The following TYW1 variants were observed in gnomAD, a reference collection of about 807,000 sequenced individuals.
TYW1 encodes S-adenosyl-L-methionine-dependent tRNA 4-demethylwyosine synthase TYW1.
TYW1 carries 46 observed loss-of-function variants against 96.2 expected under a neutral mutation model. The ratio of observed to expected loss-of-function variants is 0.48; its 90% CI spans 0.38 to 0.61. The LOEUF (loss-of-function observed/expected upper bound fraction) is 0.61, where lower values mean the gene tolerates loss of function less well. Among genes scored for constraint, TYW1 ranks in the 20% least tolerant of loss-of-function variants. The probability of loss-of-function intolerance (pLI) is 0.00; values close to 1 mark genes in which losing one functional copy is unlikely to be tolerated. For missense variants in TYW1, 684 were observed against 909.6 expected (o/e 0.75, Z 3.19); for synonymous variants, 274 against 323.0 (o/e 0.85, Z 1.63).
chr7:67,112,100 CAAAAAAAAAAAAAAAA>C (rs538839042), intron 12 of TYW1, among the ~76,000 whole-genome samples: 1 of 94,884 alleles, frequency 1.1e-5, no homozygotes, highest in Non-Finnish European at 2.1e-5. Flanking sequence ...CTCTGTCTGA[CAAAAAAAAAAAAAAAA>C]AAAAAAAGAA....
intron 15 of TYW1, among the ~76,000 whole-genome samples, chr7:67,230,005 G>A (rs1801697070): frequency 6.6e-6 from 1 of 152,202 alleles, no homozygotes; most frequent in African/African-American, 2.4e-5. Flanking sequence ...AGAAATATTT[G>A]AAAGACATGA....
At position 67,065,950 on chromosome 7, in the gene TYW1, C is replaced by T. The variant is rs146656877; in HGVS notation, c.1156-1335C>T. Among the ~76,000 whole-genome samples the T allele has an allele frequency of 2.6e-5, 4 of 151,354 alleles. No homozygotes were observed. In the East Asian group the frequency reaches 5.9e-4, roughly 22 times the overall value. ...CGCTTGAACTGGGAGGCGGAGGGTG[C>T]AGTGAGTTGAGATCACACTACTGCA... On this transcript the variant is annotated intron_variant, in intron 9 of 15. Transcript: ENST00000359626.
chr7:66,997,602 T>TA (rs1391941813), intron 1 of TYW1, among the ~76,000 whole-genome samples: 2 of 152,148 alleles, frequency 1.3e-5, no homozygotes, highest in Non-Finnish European at 2.9e-5. Context: ...CGTTACTACA[T>TA]AGTGTGTTAT....
intron 13 of TYW1, among the ~76,000 whole-genome samples, chr7:67,150,628 A>G (rs1414048565): frequency 6.6e-6 from 1 of 152,252 alleles, no homozygotes; most frequent in African/African-American, 2.4e-5. Flanking sequence ...GTAACATTTT[A>G]TACACCTTTA....
chr7:67,077,067 C>T (rs1408431465), intron 10 of TYW1, among the ~76,000 whole-genome samples: 1 of 152,162 alleles, frequency 6.6e-6, no homozygotes, highest in Non-Finnish European at 1.5e-5. Flanking sequence ...ACCCACTATG[C>T]CCAGCCTCAT....
At chr7:67,072,934 G>GTTTTTT (rs529812538) in intron 10 of TYW1, among the ~76,000 whole-genome samples, 35 of 71,260 alleles carry the variant, frequency 4.9e-4, no homozygotes, top group Non-Finnish European at 6.0e-4. Flanking sequence ...TGCCTATCCA[G>GTTTTTT]TTTTTTTTTT....
At chr7:67,206,956 T>C (rs1800821121) in intron 15 of TYW1, among the ~76,000 whole-genome samples, 1 of 152,218 alleles carries the variant, frequency 6.6e-6, no homozygotes, top group Non-Finnish European at 1.5e-5. Flanking sequence ...CATTTCATGC[T>C]CCCTCCCTGG....
In TYW1 at chr7:67,230,378, T is replaced by G. The variant is rs566140908; in HGVS notation, c.1978-7930T>G. 9.6e-5 allele frequency among the ~76,000 whole-genome samples: 12 copies of G among 124,414 alleles called. 2 individuals are homozygous for G. The highest frequency in any genetic ancestry group is 1.8e-4 in the Non-Finnish European group (11 of 60,942). 81.6% of individuals were successfully genotyped at this position (124,414 alleles called of 152,430 possible). On this transcript the variant is annotated intron_variant, in intron 15 of 15. Transcript: ENST00000359626. ...GTGCTTTTTCCTTTCTTGGATACAG[T>G]CACCACTATTTTAAACCTTATTTTT...
chr7:67,138,570 A>G (rs186379251), intron 13 of TYW1, among the ~76,000 whole-genome samples: 1 of 152,028 alleles, frequency 6.6e-6, no homozygotes, highest in African/African-American at 2.4e-5. Flanking sequence ...ACTAGGTCTT[A>G]TTCATTTTTT....
chr7:67,065,430 G>T (rs906437243), intron 9 of TYW1, among the ~76,000 whole-genome samples: 1 of 152,182 alleles, frequency 6.6e-6, no homozygotes, highest in African/African-American at 2.4e-5. Context: ...CAGTTCTTCA[G>T]CTTTGTTTCT....
chr7:66,998,173 T>C lies in TYW1; in HGVS notation c.113T>C (p.Val38Ala). Reference protein sequence around the residue: ...FAVSISLWICVQIVIKTQGKN... With the variant: ...FAVSISLWICAQIVIKTQGKN... ...GTTAGCATTAGCCTTTGGATTTGTG[T>C]CCAGATTGTCATCAAGACGCAGGTA... The change falls in exon 2 of 16, where the codon GTC becomes GCC. Residue 38 changes from valine (V) to alanine (A), a missense_variant. By Grantham distance (64) the Val-to-Ala change is moderately conservative. Coordinates refer to ENST00000359626, the MANE Select transcript of TYW1 (RefSeq NM_018264.4). 6.2e-7 allele frequency: 1 copy of C among 1,609,358 alleles called. No individual in the cohort carries two copies.
chr7:67,030,311 G>A (rs1425026170), intron 7 of TYW1, among the ~76,000 whole-genome samples: 2 of 152,128 alleles, frequency 1.3e-5, no homozygotes, highest in Non-Finnish European at 2.9e-5. Flanking sequence ...TTTTGAAGCT[G>A]TGTACCAAGA....
intron 13 of TYW1, among the ~76,000 whole-genome samples, chr7:67,148,814 G>A (rs1222200019): frequency 2.0e-5 from 3 of 152,176 alleles, no homozygotes; most frequent in Non-Finnish European, 4.4e-5. Context: ...GGCACTCCAA[G>A]AGCACCCAGG....
At chr7:67,097,060 A>C (rs1796942900) in intron 11 of TYW1, among the ~76,000 whole-genome samples, 1 of 151,900 alleles carries the variant, frequency 6.6e-6, no homozygotes. Context: ...GGGTAATCCC[A>C]GTGTCCAGCT....
chr7:67,015,806 CA>C, intron 5 of TYW1, among the ~76,000 whole-genome samples: 1 of 151,764 alleles, frequency 6.6e-6, no homozygotes. Flanking sequence ...GCTAAAAATA[CA>C]AAAAAATTAG....
intron 7 of TYW1, among the ~76,000 whole-genome samples, chr7:67,030,553 C>T (rs181546395): frequency 8.6e-4 from 130 of 151,952 alleles, no homozygotes; most frequent in Non-Finnish European, 1.5e-3. Context: ...AATCGCTTGA[C>T]CCCAGGAGGT....
chr7:67,135,322 T>G (rs1798216490), intron 13 of TYW1, among the ~76,000 whole-genome samples: 1 of 142,864 alleles, frequency 7.0e-6, no homozygotes, highest in Non-Finnish European at 1.5e-5. Flanking sequence ...TTTTTTTTTT[T>G]GAGACAGTCT....
intron 11 of TYW1, among the ~76,000 whole-genome samples, chr7:67,084,520 T>G (rs1339224871): frequency 2.1e-5 from 3 of 144,926 alleles, no homozygotes; most frequent in African/African-American, 5.2e-5. Context: ...TTTTTTTTCT[T>G]TCTTCTTTTT....
In TYW1 at chr7:67,042,673, G is replaced by T. The variant is rs1053823034; in HGVS notation, c.985-7276G>T. On this transcript the variant is annotated intron_variant, in intron 7 of 15. Coordinates refer to ENST00000359626, the MANE Select transcript of TYW1 (RefSeq NM_018264.4). ...AATTGGAGAATGGGTTAGCGGGTGTGGGGAGAGAGGAGAGTTCCAGTGTAG... is the reference window on the plus strand; with the variant it reads ...AATTGGAGAATGGGTTAGCGGGTGTTGGGAGAGAGGAGAGTTCCAGTGTAG... Among the ~76,000 whole-genome samples the T allele has an allele frequency of 2.0e-5, 3 of 152,050 alleles. No homozygotes were observed. The South Asian group carries it at 6.2e-4, about 32-fold the overall frequency.
Sources: allele counts gnomAD v4.1 joint callset (sites outside exome capture counted in the v4.1 genomes callset), GRCh38; gene constraint gnomAD v4.1.1; transcripts MANE v1.5; gene names NCBI Gene and HGNC (gene_info 2026-07-23, HGNC 2026-07-21).